Variants in ENOX1 observed in about 807,000 individuals in gnomAD.
The protein encoded by ENOX1 is ecto-NOX disulfide-thiol exchanger 1.
ENOX1 carries 42 observed loss-of-function variants against 82.5 expected under a neutral mutation model. The ratio of observed to expected loss-of-function variants is 0.51; its 90% confidence interval spans 0.40 to 0.66. ENOX1 has a LOEUF of 0.66. Ranked by LOEUF, ENOX1 falls within the 30% of genes least tolerant of loss-of-function variation. The probability of loss-of-function intolerance (pLI) is 0.00; values close to 1 mark genes in which losing one functional copy is unlikely to be tolerated. For missense variants in ENOX1, 608 were observed against 811.6 expected, an observed-to-expected ratio of 0.75 and a Z score of 3.05; for synonymous variants, 271 against 282.2, an observed-to-expected ratio of 0.96 and a Z score of 0.40.
intron 1 of ENOX1, among the ~76,000 whole-genome samples, chr13:43,714,500 T>C (rs1290740904): frequency 6.6e-6 from 1 of 152,208 alleles, no homozygotes; most frequent in Non-Finnish European, 1.5e-5. Flanking sequence ...ATCTGTCTAA[T>C]GTTGACAGTG....
chr13:43,506,049 A>G (rs1463451346), intron 2 of ENOX1, among the ~76,000 whole-genome samples: 1 of 152,002 alleles, frequency 6.6e-6, no homozygotes, highest in African/African-American at 2.4e-5. Context: ...TTTGTCAAAG[A>G]TCAGATAGTT....
At chr13:43,702,028 A>G (rs1366543026) in intron 1 of ENOX1, among the ~76,000 whole-genome samples, 1 of 152,182 alleles carries the variant, frequency 6.6e-6, no homozygotes, top group Non-Finnish European at 1.5e-5. Context: ...CCTGGCCACC[A>G]CTAATGTGTT....
intron 1 of ENOX1, among the ~76,000 whole-genome samples, chr13:43,721,059 G>A (rs6561141): frequency 0.92 from 139,606 of 152,174 alleles, 64,318 homozygotes; most frequent in East Asian, 1. Flanking sequence ...CTTATTTACC[G>A]GTAGTCCAAA....
At chr13:43,294,329 G>C (rs1159880787) in intron 12 of ENOX1, among the ~76,000 whole-genome samples, 2 of 152,152 alleles carry the variant, frequency 1.3e-5, no homozygotes, top group Non-Finnish European at 2.9e-5. Context: ...AAAGAATTCT[G>C]ATTTTTAAGC....
At chr13:43,321,630 A>G (rs2047816047) in intron 11 of ENOX1, among the ~76,000 whole-genome samples, 1 of 152,250 alleles carries the variant, frequency 6.6e-6, no homozygotes, top group Non-Finnish European at 1.5e-5. Context: ...GAGGAGACAG[A>G]TCAAATCTAT....
chr13:43,504,326 C>G (rs780330417), intron 2 of ENOX1, among the ~76,000 whole-genome samples: 26 of 151,602 alleles, frequency 1.7e-4, no homozygotes, highest in Non-Finnish European at 3.4e-4. Flanking sequence ...GAGTATATAA[C>G]CAAAGGAATC....
intron 2 of ENOX1, among the ~76,000 whole-genome samples, chr13:43,540,769 T>C (rs556676160): frequency 1.3e-5 from 2 of 152,164 alleles, no homozygotes; most frequent in Non-Finnish European, 2.9e-5. Flanking sequence ...CAAAACTAAT[T>C]AGAGGAGGCA....
At chr13:43,317,909 G>A (rs1205857393) in intron 11 of ENOX1, among the ~76,000 whole-genome samples, 1 of 151,972 alleles carries the variant, frequency 6.6e-6, no homozygotes, top group African/African-American at 2.4e-5. Flanking sequence ...GGAGGCTGAG[G>A]CAGGAGAATG....
chr13:43,659,561 A>C (rs2084618012), intron 2 of ENOX1, among the ~76,000 whole-genome samples: 1 of 151,702 alleles, frequency 6.6e-6, no homozygotes, highest in East Asian at 1.9e-4. Context: ...TGCATGCTTT[A>C]GTTTTTTTCT....
intron 2 of ENOX1, among the ~76,000 whole-genome samples, chr13:43,530,074 A>C (rs1208868244): frequency 6.6e-6 from 1 of 152,136 alleles, no homozygotes; most frequent in African/African-American, 2.4e-5. Context: ...CTAATATTTT[A>C]TGTTGCCTGT....
chr13:43,610,953 G>A (rs1222900591), intron 2 of ENOX1, among the ~76,000 whole-genome samples: 4 of 152,106 alleles, frequency 2.6e-5, no homozygotes, highest in African/African-American at 4.8e-5. Flanking sequence ...ATAGGATGGT[G>A]GTGGTTACAC....
chr13:43,612,159 A>G, intron 2 of ENOX1, among the ~76,000 whole-genome samples: 1 of 152,206 alleles, frequency 6.6e-6, no homozygotes, highest in Non-Finnish European at 1.5e-5. Flanking sequence ...CTACTCTGGA[A>G]GCTGACCTCT....
intron 2 of ENOX1, among the ~76,000 whole-genome samples, chr13:43,565,627 G>T (rs1375390124): frequency 1.3e-5 from 2 of 152,170 alleles, no homozygotes; most frequent in African/African-American, 4.8e-5. Flanking sequence ...CCATTTGGGA[G>T]AATTTCAGTT....
chr13:43,639,900 G>A (rs1476372657), intron 2 of ENOX1, among the ~76,000 whole-genome samples: 1 of 152,100 alleles, frequency 6.6e-6, no homozygotes, highest in Admixed American at 6.6e-5. Flanking sequence ...ATGGTGGTGT[G>A]TGCCTGTAGT....
chr13:43,452,843 T>C (rs1372797553), intron 3 of ENOX1, among the ~76,000 whole-genome samples: 1 of 152,142 alleles, frequency 6.6e-6, no homozygotes, highest in African/African-American at 2.4e-5. Context: ...TTTTAAAGAC[T>C]CCATTGTACC....
intron 8 of ENOX1, among the ~76,000 whole-genome samples, chr13:43,346,522 C>A (rs1410003649): frequency 1.3e-5 from 2 of 152,226 alleles, no homozygotes; most frequent in Non-Finnish European, 2.9e-5. Context: ...AACCCATAGG[C>A]ACAGAACACA....
At chr13:43,315,066 T>C (rs1047884495) in intron 11 of ENOX1, among the ~76,000 whole-genome samples, 2 of 152,222 alleles carry the variant, frequency 1.3e-5, no homozygotes, top group African/African-American at 4.8e-5. Flanking sequence ...ATTTTATTCC[T>C]GAGCCTTAAA....
At chr13:43,491,150 T>C (rs2076604422) in intron 2 of ENOX1, among the ~76,000 whole-genome samples, 1 of 152,108 alleles carries the variant, frequency 6.6e-6, no homozygotes, top group Non-Finnish European at 1.5e-5. Flanking sequence ...GTCCATCACA[T>C]GATGACAGCA....
At chr13:43,359,667 G>T in intron 7 of ENOX1, 184 bp downstream of exon 7, 1 of 595,498 alleles carries the variant, frequency 1.7e-6, no homozygotes, top group Non-Finnish European at 3.0e-6. Flanking sequence ...TGCTCCTGCA[G>T]TGAAGTACCT....
Sources: gnomAD v4.1 joint callset for allele counts (sites outside exome capture counted in the v4.1 genomes callset) on GRCh38, gnomAD v4.1.1 for gene constraint, MANE v1.5 for transcripts, NCBI Gene and HGNC (gene_info 2026-07-23, HGNC 2026-07-21) for gene names.